Variants in GLIS3 observed in about 807,000 individuals in gnomAD.
GLIS3 encodes zinc finger protein GLIS3.
GLIS3 carries 53 observed loss-of-function variants against 78.6 expected under a neutral mutation model. The ratio of observed to expected loss-of-function variants is 0.67; its 90% CI spans 0.54 to 0.85. The LOEUF is 0.85. GLIS3 is among the 40% of genes least tolerant of loss of function. GLIS3 has a pLI of 0.00. For missense variants in GLIS3, 1,703 were observed against 1,231.1 expected, an observed-to-expected ratio of 1.38 and a Z score of -5.74; for synonymous variants, 684 against 509.9, an observed-to-expected ratio of 1.34 and a Z score of -4.60.
At chr9:3,967,781 G>A (rs1161485415) in intron 4 of GLIS3, among the ~76,000 whole-genome samples, 1 of 152,160 alleles carries the variant, frequency 6.6e-6, no homozygotes, top group Non-Finnish European at 1.5e-5. Context: ...TTTCTGTAAG[G>A]AAAATCATAT....
intron 2 of GLIS3, among the ~76,000 whole-genome samples, chr9:4,322,397 G>C (rs533255258): frequency 6.6e-6 from 1 of 152,084 alleles, no homozygotes; most frequent in East Asian, 1.9e-4. Flanking sequence ...TATACTCAAA[G>C]GATTGGGTAT....
chr9:4,158,553 G>A (rs1014396813), intron 2 of GLIS3, among the ~76,000 whole-genome samples: 23 of 152,210 alleles, frequency 1.5e-4, no homozygotes, highest in Non-Finnish European at 2.5e-4. Context: ...CCGATATGCT[G>A]AGATACAGAA....
At chr9:3,955,508 G>T (rs1336205897) in intron 4 of GLIS3, among the ~76,000 whole-genome samples, 1 of 152,192 alleles carries the variant, frequency 6.6e-6, no homozygotes, top group Admixed American at 6.5e-5. Context: ...CACCACAAGA[G>T]ATATTATATA....
intron 8 of GLIS3, among the ~76,000 whole-genome samples, chr9:3,860,105 C>G (rs918726632): frequency 1.3e-5 from 2 of 151,794 alleles, no homozygotes; most frequent in East Asian, 3.9e-4. Flanking sequence ...GAAAGTCTGT[C>G]TCTACTAAAG....
chr9:3,899,779 C>G (rs1823146614), intron 6 of GLIS3, among the ~76,000 whole-genome samples: 1 of 152,092 alleles, frequency 6.6e-6, no homozygotes, highest in African/African-American at 2.4e-5. Context: ...TCTCTAGACC[C>G]TAGGAATACT....
the GLIS3 span, among the ~76,000 whole-genome samples, chr9:4,450,396 A>G: frequency 6.6e-6 from 1 of 152,214 alleles, no homozygotes; most frequent in African/African-American, 2.4e-5. Flanking sequence ...AGTGATGGGG[A>G]GAATGGAACC....
intron 2 of GLIS3, among the ~76,000 whole-genome samples, chr9:4,230,179 A>C (rs985418418): frequency 6.6e-6 from 1 of 152,252 alleles, no homozygotes; most frequent in Non-Finnish European, 1.5e-5. Context: ...TTTTATATTG[A>C]AAATTTAATT....
chr9:3,853,364 T>C (rs540994071), intron 9 of GLIS3, among the ~76,000 whole-genome samples: 29 of 54,510 alleles, frequency 5.3e-4, no homozygotes, highest in Admixed American at 2.6e-3. Context: ...CTGTATCCTC[T>C]TGTTCATTAT....
At chr9:4,051,977 T>C (rs750975769) in intron 4 of GLIS3, among the ~76,000 whole-genome samples, 2 of 152,216 alleles carry the variant, frequency 1.3e-5, no homozygotes, top group African/African-American at 4.8e-5. Flanking sequence ...CATTGCTCAT[T>C]TGTAGAACAC....
the GLIS3 span, among the ~76,000 whole-genome samples, chr9:4,361,296 G>A: frequency 2.8e-4 from 43 of 152,338 alleles, no homozygotes; most frequent in African/African-American, 9.4e-4. Context: ...GGACTCCTCT[G>A]ATGGGACACC....
At chr9:4,420,505 TAAGCAAGCCA>T in the GLIS3 span, among the ~76,000 whole-genome samples, 1 of 152,216 alleles carries the variant, frequency 6.6e-6, no homozygotes, top group Non-Finnish European at 1.5e-5. Context: ...AGTATCACGT[TAAGCAAGCCA>T]ATAAACTCGG....
the GLIS3 span, among the ~76,000 whole-genome samples, chr9:4,356,074 G>A: frequency 2.0e-5 from 3 of 152,318 alleles, no homozygotes; most frequent in East Asian, 3.9e-4. Context: ...CTAATGAGCT[G>A]AGTGGTCTTG....
At chr9:4,164,363 A>C (rs1287675882) in intron 2 of GLIS3, among the ~76,000 whole-genome samples, 1 of 152,224 alleles carries the variant, frequency 6.6e-6, no homozygotes, top group Non-Finnish European at 1.5e-5. Flanking sequence ...TTCTTTCATT[A>C]GCCCAAGGCT....
intron 4 of GLIS3, among the ~76,000 whole-genome samples, chr9:4,064,768 C>T (rs1826953828): frequency 6.6e-6 from 1 of 152,278 alleles, no homozygotes; most frequent in South Asian, 2.1e-4. Context: ...AGAGAGGAAA[C>T]TACTTAAATC....
At chr9:4,178,688 G>A (rs1183430880) in intron 2 of GLIS3, among the ~76,000 whole-genome samples, 1 of 152,132 alleles carries the variant, frequency 6.6e-6, no homozygotes, top group Non-Finnish European at 1.5e-5. Flanking sequence ...CAGAAATTCA[G>A]AATGACTACA....
intron 2 of GLIS3, among the ~76,000 whole-genome samples, chr9:4,237,434 C>A (rs1213354335): frequency 1.3e-5 from 2 of 151,816 alleles, no homozygotes. Context: ...CATAAATATG[C>A]AAAAAATAAA....
chr9:4,245,360 G>A lies in GLIS3; in HGVS notation c.388+40678C>T, dbSNP rs143038475. Among the ~76,000 whole-genome samples the A allele has an allele frequency of 2.3e-3, 357 of 152,324 alleles. 3 individuals are homozygous for A. The highest frequency in any genetic ancestry group is 7.9e-3 in the African/African-American group (327 of 41,568). Reference sequence around the variant, plus strand: ...AGTCACAGTTGCCTAGGAATCGGAAGACCCAAATTCGGGTGCGAACTCATC... The same window carrying A: ...AGTCACAGTTGCCTAGGAATCGGAAAACCCAAATTCGGGTGCGAACTCATC... On this transcript the variant is annotated intron_variant, in intron 2 of 10. Transcript: ENST00000381971.
chr9:4,307,034 A>G (rs753408534), intron 4 of GLIS3, among the ~76,000 whole-genome samples: 11 of 152,254 alleles, frequency 7.2e-5, no homozygotes, highest in African/African-American at 2.2e-4. Context: ...GTGGCAAGTT[A>G]TGAGTGATCT....
intron 2 of GLIS3, among the ~76,000 whole-genome samples, chr9:4,166,535 A>G (rs2131107956): frequency 6.6e-6 from 1 of 152,376 alleles, no homozygotes; most frequent in Admixed American, 6.5e-5. Flanking sequence ...AACTGCACTA[A>G]TGATATAAGT....
Sources: allele counts gnomAD v4.1 joint callset (sites outside exome capture counted in the v4.1 genomes callset), GRCh38; gene constraint gnomAD v4.1.1; transcripts MANE v1.5; gene names NCBI Gene and HGNC (gene_info 2026-07-23, HGNC 2026-07-21).